The following CPS1 variants were observed in gnomAD, a reference collection of about 807,000 sequenced individuals.
CPS1 encodes the protein carbamoyl-phosphate synthase [ammonia], mitochondrial.
A neutral mutation model predicts 174.6 loss-of-function variants in CPS1; 109 were observed. The observed-to-expected ratio is 0.62, with a 90% CI of 0.53 to 0.73. The LOEUF (loss-of-function observed/expected upper bound fraction) is 0.73, where lower values mean the gene tolerates loss of function less well. Ranked by LOEUF, CPS1 falls within the 30% of genes least tolerant of loss-of-function variation. The pLI is 0.00. For synonymous variants in CPS1, 637 were observed against 632.0 expected, an observed-to-expected ratio of 1.01 and a Z score of -0.12; for missense variants, 1,689 against 1,821.9, an observed-to-expected ratio of 0.93 and a Z score of 1.33.
At chr2:210,611,663 CT>C (rs1699125641) in intron 19 of CPS1, among the ~76,000 whole-genome samples, 1 of 151,940 alleles carries the variant, frequency 6.6e-6, no homozygotes, top group African/African-American at 2.4e-5. Context: ...GCCAACCTGT[CT>C]TGAATACTGA....
At chr2:210,595,703 C>T in intron 13 of CPS1, 121 bp downstream of exon 13, 1 of 742,026 alleles carries the variant, frequency 1.3e-6, no homozygotes, top group Non-Finnish European at 2.3e-6. Context: ...TTTTCCTTAA[C>T]TGTGCCTTTA....
chr2:210,663,063 T>C (rs560596944), intron 32 of CPS1, 60 bp from the exon 33 acceptor site: 1 of 1,465,128 alleles, frequency 6.8e-7, no homozygotes, highest in Non-Finnish European at 9.6e-7. Flanking sequence ...TATCCTCTCT[T>C]ATTCATTTTC....
chr2:210,550,136 T>C (rs1329935770), intron 1 of CPS1, among the ~76,000 whole-genome samples: 3 of 152,046 alleles, frequency 2.0e-5, no homozygotes, highest in Non-Finnish European at 4.4e-5. Context: ...TACCTTATCA[T>C]TTATTTAATA....
intron 1 of CPS1, among the ~76,000 whole-genome samples, chr2:210,484,506 C>A (rs1478147957): frequency 6.6e-6 from 1 of 152,166 alleles, no homozygotes; most frequent in Non-Finnish European, 1.5e-5. Context: ...TAGAAATTGA[C>A]CCTCCTGGTT....
chr2:210,643,378 ATAT>A (rs962227327), intron 25 of CPS1, among the ~76,000 whole-genome samples: 13 of 152,156 alleles, frequency 8.5e-5, no homozygotes, highest in African/African-American at 2.9e-4. Context: ...TAGGCCTTTG[ATAT>A]TATTACAGTT....
At chr2:210,484,594 A>G (rs2105943948) in intron 1 of CPS1, among the ~76,000 whole-genome samples, 1 of 152,290 alleles carries the variant, frequency 6.6e-6, no homozygotes, top group South Asian at 2.1e-4. Context: ...CCCAGATAGT[A>G]TCAAGGGACT....
chr2:210,549,927 G>T (rs571329084), intron 1 of CPS1, among the ~76,000 whole-genome samples: 1 of 151,902 alleles, frequency 6.6e-6, no homozygotes, highest in Non-Finnish European at 1.5e-5. Flanking sequence ...ACATTTAATG[G>T]CATGAAATTA....
chr2:210,505,624 A>G (rs2105967701), intron 1 of CPS1, among the ~76,000 whole-genome samples: 1 of 152,240 alleles, frequency 6.6e-6, no homozygotes, highest in Non-Finnish European at 1.5e-5. Context: ...GGGGTCAGGG[A>G]ATTCCCTTTC....
intron 1 of CPS1, among the ~76,000 whole-genome samples, chr2:210,491,940 A>G (rs1402399585): frequency 2.6e-5 from 4 of 152,194 alleles, no homozygotes; most frequent in Non-Finnish European, 4.4e-5. Flanking sequence ...GGTGGTAGCA[A>G]TAAAGCTTGT....
At chr2:210,629,483 T>G (rs1013800182) in intron 21 of CPS1, among the ~76,000 whole-genome samples, 3 of 151,544 alleles carry the variant, frequency 2.0e-5, no homozygotes, top group East Asian at 2.0e-4. Flanking sequence ...CCCAGCTAAT[T>G]TTTTTGTATT....
At chr2:210,669,611 C>G (rs4673543) in intron 34 of CPS1, among the ~76,000 whole-genome samples, 45,898 of 151,890 alleles carry the variant, frequency 0.3, 7,221 homozygotes, top group East Asian at 0.41. Flanking sequence ...TGGGATTTTG[C>G]TTTATAAAGG....
In CPS1 at chr2:210,587,525, G is replaced by A. The variant is rs1224905603; in HGVS notation, c.622-533G>A. On this transcript the variant is annotated intron_variant, in intron 6 of 37. Coordinates refer to ENST00000233072, the MANE Select transcript of CPS1 (RefSeq NM_001875.5). The stretch of plus-strand genomic sequence containing the variant: ...AAACAATTGCACGGCAACCTAAAGG[G>A]ACTGGTGGTCTATACCTGCTTAGCA... Among the ~76,000 whole-genome samples, 5 of 151,946 alleles carry A rather than the reference G, an allele frequency of 3.3e-5. No homozygotes were observed. In the East Asian group the frequency reaches 5.8e-4, roughly 18 times the overall value.
At chr2:210,557,696 C>T (rs989420162) in intron 1 of CPS1, among the ~76,000 whole-genome samples, 3 of 151,956 alleles carry the variant, frequency 2.0e-5, no homozygotes, top group African/African-American at 7.2e-5. Context: ...ATTATATTAG[C>T]TTTAGATATA....
intron 33 of CPS1, among the ~76,000 whole-genome samples, chr2:210,667,166 T>C (rs1056038169): frequency 5.3e-5 from 8 of 152,156 alleles, no homozygotes; most frequent in Admixed American, 5.2e-4. Context: ...GTGATTTTTG[T>C]ACATTGATTT....
chr2:210,602,328 A>G lies in CPS1; in HGVS notation c.1834A>G (p.Lys612Glu). Residue 612 changes from lysine to glutamate, a missense_variant and splice_region_variant, in exon 16 of 38, where the codon AAG becomes GAG. Physicochemically the swap from Lys to Glu is moderately conservative, Grantham distance 56. Transcript: ENST00000233072. ...AGAGACTTTGATGGACCTCAGCACA[A>G]AGGTATGTATTTTTGTAGACAATAT... ...NRETLMDLST[K>E]AFAMTNQILV... 1 of 1,612,496 alleles carries G rather than the reference A, an allele frequency of 6.2e-7. No homozygotes were observed. The highest frequency in any genetic ancestry group is 8.5e-7 in the Non-Finnish European group (1 of 1,178,958).
In CPS1 at chr2:210,606,735, C is replaced by T. The variant is rs1698925563; in HGVS notation, c.1986C>T (p.Asp662=). ...NVDAMGVHTG[D]SVVVAPAQTL... is the part of the protein sequence containing the mutation. Reference sequence around the variant, plus strand: ...GAGTGCTTCTTGGATATATAGGTGACTCAGTTGTTGTGGCTCCTGCCCAGA... The same window carrying T: ...GAGTGCTTCTTGGATATATAGGTGATTCAGTTGTTGTGGCTCCTGCCCAGA... The change falls in exon 18 of 38, where the codon GAC becomes GAT. Residue 662 remains aspartate (D), a synonymous_variant. Coordinates refer to ENST00000233072, the MANE Select transcript of CPS1 (RefSeq NM_001875.5). 1 of 1,612,320 alleles carries T rather than the reference C, an allele frequency of 6.2e-7. No homozygotes were observed. Among genetic ancestry groups the T allele is most frequent in the Non-Finnish European group, 8.5e-7 (1 of 1,178,914 alleles).
rs73078125 is a variant in CPS1, at chr2:210,678,739, T to G, written c.*754T>G. The G allele has an allele frequency of 0.018, 2,791 of 152,448 alleles. 87 individuals carry two copies. The highest frequency in any genetic ancestry group is 0.059 in the African/African-American group (2,445 of 41,566). 9.4% of individuals were successfully genotyped at this position (152,448 alleles called of 1,614,324 possible). A position where few individuals can be genotyped will look rare whatever the true frequency, so the allele number is the denominator to read the frequency against. On this transcript the variant is annotated 3_prime_UTR_variant, in exon 38 of 38. Transcript: ENST00000233072. ...TATGGATTTCTTTAAGGAATACTGGTTTGCAGTTTTGTTTTCTGGACTATA... is the reference window on the plus strand; with the variant it reads ...TATGGATTTCTTTAAGGAATACTGGGTTGCAGTTTTGTTTTCTGGACTATA...
chr2:210,635,632 A>G (rs1312119623), intron 21 of CPS1, among the ~76,000 whole-genome samples: 1 of 152,224 alleles, frequency 6.6e-6, no homozygotes, highest in Non-Finnish European at 1.5e-5. Context: ...GTTGGATGGC[A>G]CAGTTCTAAA....
intron 16 of CPS1, 40 bp downstream of exon 16, chr2:210,602,370 A>C: frequency 6.2e-7 from 1 of 1,611,578 alleles, no homozygotes; most frequent in Admixed American, 1.7e-5. Context: ...CAACCAAAAA[A>C]ACTGGCTTGA....
Sources: gnomAD v4.1 joint callset for allele counts (sites outside exome capture counted in the v4.1 genomes callset) on GRCh38, gnomAD v4.1.1 for gene constraint, MANE v1.5 for transcripts, NCBI Gene and HGNC (gene_info 2026-07-23, HGNC 2026-07-21) for gene names.